AGO3: variants seen among roughly 807,000 people sequenced by gnomAD.
The protein encoded by AGO3 is argonaute RISC catalytic component 3.
AGO3 carries 16 observed loss-of-function variants against 105.5 expected under a neutral mutation model. The observed-to-expected ratio is 0.15, with a 90% CI of 0.10 to 0.23. AGO3 has a LOEUF of 0.23. Among genes scored for constraint, AGO3 ranks in the 10% least tolerant of loss-of-function variants. The pLI, the probability that AGO3 is intolerant of heterozygous loss-of-function variation, is 1.00. For missense variants in AGO3, 534 were observed against 1,088.0 expected, an observed-to-expected ratio of 0.49 and a Z score of 7.16; for synonymous variants, 340 against 367.3, an observed-to-expected ratio of 0.93 and a Z score of 0.85.
chr1:36,027,106 C>T lies in AGO3; in HGVS notation c.1407-8C>T. On this transcript the variant is annotated splice_region_variant and splice_polypyrimidine_tract_variant and intron_variant, in intron 11 of 18. Transcript: ENST00000373191. The surrounding 1 kb of genome is among the most constrained non-coding windows in gnomAD (Gnocchi z 4.0). ...AAAGGTTTTATATTTAGTGGTTTCT[C>T]CTTCCAGGGGTTTCACAGACCAGCT... 1.2e-6 allele frequency: 2 copies of T among 1,606,486 alleles called. No individual in the cohort carries two copies. Among genetic ancestry groups the T allele is most frequent in the Admixed American group, 3.5e-5 (2 of 57,926 alleles).
intron 12 of AGO3, among the ~76,000 whole-genome samples, chr1:36,030,027 T>C (rs1641697934): frequency 6.6e-6 from 1 of 151,574 alleles, no homozygotes; most frequent in African/African-American, 2.4e-5. Context: ...TGTACTAAAA[T>C]GAAAAGAAAA....
At chr1:35,968,247 T>C (rs1010849523) in intron 3 of AGO3, among the ~76,000 whole-genome samples, 1 of 152,214 alleles carries the variant, frequency 6.6e-6, no homozygotes, top group Admixed American at 6.5e-5. Flanking sequence ...AAGCATCTTG[T>C]AGGGAGATTC....
rs547208386 is a variant in AGO3 at position 36,011,961 on chromosome 1, C to T, written c.1150-1669C>T. On this transcript the variant is annotated intron_variant, in intron 9 of 18. Transcript: ENST00000373191. Reference sequence around the variant, plus strand: ...AGTATATTAGTTGTTATAGTATAGTCGTCATTATTCGCTGTAACCTTATTA... The same window carrying T: ...AGTATATTAGTTGTTATAGTATAGTTGTCATTATTCGCTGTAACCTTATTA... Among the ~76,000 whole-genome samples the T allele has an allele frequency of 5.3e-5, 8 of 152,230 alleles. No individual in the cohort carries two copies. In the South Asian group the frequency reaches 1.5e-3, roughly 28 times the overall value.
At chr1:35,950,211 C>T (rs1646445576) in intron 2 of AGO3, among the ~76,000 whole-genome samples, 1 of 150,788 alleles carries the variant, frequency 6.6e-6, no homozygotes, top group Non-Finnish European at 1.5e-5. Context: ...CAGAGTAAGA[C>T]TCCGTCTCAA....
chr1:36,026,556 T>C (rs1282684369), intron 11 of AGO3, among the ~76,000 whole-genome samples: 3 of 152,242 alleles, frequency 2.0e-5, no homozygotes, highest in Admixed American at 6.5e-5. Flanking sequence ...AAATATGTAA[T>C]GTCTATGAAA....
intron 11 of AGO3, among the ~76,000 whole-genome samples, chr1:36,025,803 C>T (rs145016587): frequency 0.029 from 4,406 of 152,100 alleles, 99 homozygotes; most frequent in Admixed American, 0.05. Context: ...TTTGGGAGGC[C>T]GAGGTGGGTG....
At chr1:35,956,709 C>T (rs1025148450) in intron 2 of AGO3, among the ~76,000 whole-genome samples, 2 of 150,674 alleles carry the variant, frequency 1.3e-5, no homozygotes, top group East Asian at 2.0e-4. Context: ...GACATGATCA[C>T]GTGATCTTGG....
In AGO3 at chr1:35,975,465, GC is replaced by G. The variant is rs2148777896; in HGVS notation, c.658+1955del. Among the ~76,000 whole-genome samples the G allele has an allele frequency of 1.3e-5, 2 of 151,842 alleles. 1 individual carries two copies. Among genetic ancestry groups the G allele is most frequent in the South Asian group, 4.2e-4 (2 of 4,814 alleles). On this transcript the variant is annotated intron_variant, in intron 5 of 18. Coordinates refer to ENST00000373191, the MANE Select transcript of AGO3 (RefSeq NM_024852.4). ...AATGCTTTCTAAATTAAGGAAGTTA[GC>G]TGTTCATCTGTCATGAGTTGCAGAT...
rs1431680218 is a variant in AGO3, at chr1:36,062,269, T to G, written c.*6524T>G. 1 of 151,816 alleles carries G rather than the reference T, an allele frequency of 6.6e-6. No individual in the cohort carries two copies. The highest frequency in any genetic ancestry group is 1.5e-5 in the Non-Finnish European group (1 of 68,004). The allele number at this position is 151,816 out of a possible 1,614,324, so 9.4% of individuals were successfully genotyped here. Reference sequence around the variant, plus strand: ...ACTCCGCCTCCCGGGTTCAAGTGATTCTCGTGCCTCAGCCTCCCAAGTAGC... The same window carrying G: ...ACTCCGCCTCCCGGGTTCAAGTGATGCTCGTGCCTCAGCCTCCCAAGTAGC... On this transcript the variant is annotated 3_prime_UTR_variant, in exon 19 of 19. Transcript: ENST00000373191.
chr1:35,957,587 G>A (rs1165552360), intron 2 of AGO3, among the ~76,000 whole-genome samples: 8 of 151,672 alleles, frequency 5.3e-5, no homozygotes, highest in African/African-American at 1.5e-4. Context: ...TTAGCTGGGC[G>A]TGGTGGCACG....
At chr1:36,042,863 G>T (rs1038880818) in intron 16 of AGO3, among the ~76,000 whole-genome samples, 1 of 152,146 alleles carries the variant, frequency 6.6e-6, no homozygotes, top group African/African-American at 2.4e-5. Flanking sequence ...TCCCAGTTCT[G>T]CCCTTTATTG....
chr1:36,005,563 A>T (rs1437713494), intron 6 of AGO3, among the ~76,000 whole-genome samples: 1 of 152,208 alleles, frequency 6.6e-6, no homozygotes, highest in African/African-American at 2.4e-5. Context: ...TAGCATTGTC[A>T]GGAGGTTAGT....
At chr1:35,983,197 C>T (rs1001798227) in intron 5 of AGO3, 1 of 152,130 alleles carries the variant, frequency 6.6e-6, no homozygotes, top group Non-Finnish European at 1.5e-5. Flanking sequence ...ATTTTAATTA[C>T]ATCTACAAAA....
intron 11 of AGO3, among the ~76,000 whole-genome samples, chr1:36,014,784 A>C (rs961652555): frequency 2.6e-5 from 4 of 151,854 alleles, no homozygotes; most frequent in Admixed American, 1.3e-4. Flanking sequence ...AAAAAAAAAA[A>C]AAAAAACTTC....
Position 35,945,727 on chromosome 1 carries a change from A to G in AGO3, c.55A>G (p.Arg19Gly). 1.9e-6 allele frequency: 3 copies of G among 1,612,990 alleles called. No homozygotes were observed. The highest frequency in any genetic ancestry group is 1.1e-5 in the South Asian group (1 of 91,030). Reference sequence around the variant, plus strand: ...GGCCCAGCCCCTACTCATGGTGCCCAGAAGACCTGGCTATGGCACCATGGG... The same window carrying G: ...GGCCCAGCCCCTACTCATGGTGCCCGGAAGACCTGGCTATGGCACCATGGG... Reference protein sequence around the residue: ...AGAQPLLMVPRRPGYGTMGKP... With the variant: ...AGAQPLLMVPGRPGYGTMGKP... Residue 19 changes from arginine (R) to glycine (G), a missense_variant, in exon 2 of 19, where the codon AGA becomes GGA. Around this residue, in one of 2 missense-constraint regions of AGO3, gnomAD observed 161 missense variants for 234.0 expected, o/e 0.69. Transcript: ENST00000373191.
At chr1:36,016,104 G>A (rs1304386117) in intron 11 of AGO3, among the ~76,000 whole-genome samples, 4 of 152,322 alleles carry the variant, frequency 2.6e-5, no homozygotes, top group Non-Finnish European at 4.4e-5. Flanking sequence ...TGAACAGTTA[G>A]CTGTAATTGA....
intron 11 of AGO3, among the ~76,000 whole-genome samples, chr1:36,018,354 G>A (rs540415460): frequency 6.6e-6 from 1 of 150,676 alleles, no homozygotes; most frequent in Non-Finnish European, 1.5e-5. Flanking sequence ...AGCAAAAAAG[G>A]TACCATTAAA....
At chr1:35,971,948 T>G in intron 3 of AGO3, 76 bp from the exon 4 acceptor site, 1 of 1,364,768 alleles carries the variant, frequency 7.3e-7, no homozygotes, top group Non-Finnish European at 1.0e-6. Flanking sequence ...CTCTTAGATA[T>G]TTTTATAAGT....
intron 5 of AGO3, among the ~76,000 whole-genome samples, chr1:35,974,207 T>G (rs1646917998): frequency 6.6e-6 from 1 of 152,196 alleles, no homozygotes; most frequent in East Asian, 1.9e-4. Context: ...ATTTTTACCC[T>G]CTAATACCTG....
Sources: allele counts gnomAD v4.1 joint callset (sites outside exome capture counted in the v4.1 genomes callset), GRCh38; gene constraint gnomAD v4.1.1; regional missense constraint gnomAD v4.1.1; non-coding constraint Gnocchi (gnomAD v3.1); transcripts MANE v1.5; gene names NCBI Gene and HGNC (gene_info 2026-07-23, HGNC 2026-07-21).